ANO3: variants seen among roughly 807,000 people sequenced by gnomAD.
ANO3 encodes anoctamin-3.
Under a neutral mutation model 144.8 loss-of-function variants are expected in ANO3, and 99 were observed. The observed-to-expected ratio is 0.68, with a 90% CI of 0.58 to 0.81. The LOEUF is 0.81. Among genes scored for constraint, ANO3 ranks in the 30% least tolerant of loss-of-function variants. The pLI, the probability that ANO3 is intolerant of heterozygous loss-of-function variation, is 0.00. For synonymous variants in ANO3, 414 were observed against 392.6 expected, an observed-to-expected ratio of 1.05 and a Z score of -0.64; for missense variants, 905 against 1,202.2, an observed-to-expected ratio of 0.75 and a Z score of 3.66.
At chr11:26,295,492 G>C (rs1365088069) in intron 1 of ANO3, among the ~76,000 whole-genome samples, 19 of 141,666 alleles carry the variant, frequency 1.3e-4, no homozygotes, top group Middle Eastern at 7.5e-3. Context: ...GCCCAGCCTG[G>C]GCGATAGAGT....
At chr11:26,332,037 C>A (rs138455493), upstream of ANO3, 8,613 of 1,269,714 alleles carry the variant, frequency 6.8e-3, 46 homozygotes, top group Non-Finnish European at 7.3e-3. Flanking sequence ...GCGGGGGATG[C>A]GGGGTTGTTC....
chr11:26,341,269 G>A (rs541216332), intron 1 of ANO3, among the ~76,000 whole-genome samples: 19 of 152,044 alleles, frequency 1.2e-4, no homozygotes, highest in Non-Finnish European at 2.5e-4. Flanking sequence ...TATATATAGC[G>A]AAAATGTGTA....
At chr11:26,450,572 T>C (rs1858893452) in intron 3 of ANO3, among the ~76,000 whole-genome samples, 1 of 152,200 alleles carries the variant, frequency 6.6e-6, no homozygotes, top group Non-Finnish European at 1.5e-5. Flanking sequence ...ATGATATTTA[T>C]TGGTGGTCAA....
chr11:26,477,724 A>G (rs539390345), intron 4 of ANO3, among the ~76,000 whole-genome samples: 1 of 152,314 alleles, frequency 6.6e-6, no homozygotes, highest in South Asian at 2.1e-4. Flanking sequence ...GAAAGAGAAT[A>G]TTAGGGAAAC....
chr11:26,488,182 T>C (rs1312619527), intron 4 of ANO3, among the ~76,000 whole-genome samples: 2 of 151,726 alleles, frequency 1.3e-5, no homozygotes, highest in Admixed American at 1.3e-4. Context: ...CAAAACAAAA[T>C]AAAACAAAAC....
chr11:26,567,223 G>A, intron 14 of ANO3: 3 of 852,374 alleles, frequency 3.5e-6, no homozygotes, highest in Non-Finnish European at 3.2e-6. Context: ...TGCTTTTAAT[G>A]GAAAATTTAC....
chr11:26,423,898 G>C (rs1466009624), intron 1 of ANO3, among the ~76,000 whole-genome samples: 1 of 151,970 alleles, frequency 6.6e-6, no homozygotes, highest in East Asian at 1.9e-4. Flanking sequence ...CCAGTTGCTA[G>C]ATTTGTGACT....
chr11:26,280,014 TAATGA>T (rs1853643339), intron 1 of ANO3, among the ~76,000 whole-genome samples: 5 of 152,208 alleles, frequency 3.3e-5, no homozygotes, highest in Admixed American at 6.5e-5. Context: ...CTCACTGCTT[TAATGA>T]AAAAGAGTTT....
intron 12 of ANO3, 29 bp downstream of exon 12, chr11:26,547,579 A>G: frequency 6.2e-7 from 1 of 1,604,744 alleles, no homozygotes; most frequent in Non-Finnish European, 8.5e-7. Context: ...TATTAAAAAT[A>G]TTTGGCTTGT....
intron 1 of ANO3, among the ~76,000 whole-genome samples, chr11:26,384,422 C>T (rs118022872): frequency 3.8e-4 from 58 of 152,146 alleles, no homozygotes; most frequent in Non-Finnish European, 6.0e-4. Flanking sequence ...CTATTAGCTC[C>T]GAGATGAGCT....
chr11:26,401,561 G>A (rs1857147979), intron 1 of ANO3, among the ~76,000 whole-genome samples: 2 of 152,014 alleles, frequency 1.3e-5, no homozygotes, highest in African/African-American at 4.8e-5. Context: ...AAACATATAG[G>A]TGTGGCTGCC....
At chr11:26,263,292 T>C (rs1231036840) in intron 1 of ANO3, among the ~76,000 whole-genome samples, 2 of 152,232 alleles carry the variant, frequency 1.3e-5, no homozygotes, top group African/African-American at 4.8e-5. Flanking sequence ...CTGCAGGAAC[T>C]AGTCGAAGAC....
intron 4 of ANO3, among the ~76,000 whole-genome samples, chr11:26,506,456 T>C (rs1488615736): frequency 6.6e-6 from 1 of 152,224 alleles, no homozygotes; most frequent in Non-Finnish European, 1.5e-5. Context: ...CAATGCATAG[T>C]ACATAGTAAG....
At position 26,531,077 on chromosome 11, in the gene ANO3, G is replaced by C. The variant is rs554176730; in HGVS notation, c.738-128G>C. The C allele has an allele frequency of 6.3e-6, 6 of 953,610 alleles. No homozygotes were observed. In the African/African-American group the frequency reaches 1.0e-4, roughly 16 times the overall value. The allele number at this position is 953,610 out of a possible 1,614,324, so 59.1% of individuals were successfully genotyped here. A position where few individuals can be genotyped will look rare whatever the true frequency, so the allele number is the denominator to read the frequency against. On this transcript the variant is annotated intron_variant, in intron 7 of 26. Transcript: ENST00000256737. ...GAACAGAAGCAATGCACGTGTATGT[G>C]TGGTGTGTGTAGGTTTGTGTATCTC... is the stretch of plus-strand genomic sequence containing the variant.
intron 1 of ANO3, among the ~76,000 whole-genome samples, chr11:26,315,308 C>T (rs1035423725): frequency 1.3e-5 from 2 of 152,168 alleles, no homozygotes; most frequent in African/African-American, 4.8e-5. Context: ...CAATTCTCCT[C>T]AGTTTTTCTA....
chr11:26,502,848 G>GA (rs1861254364), intron 4 of ANO3, among the ~76,000 whole-genome samples: 11 of 23,602 alleles, frequency 4.7e-4, no homozygotes, highest in South Asian at 4.3e-3. Context: ...AAACATTCAG[G>GA]GAAAAAAAAA....
At chr11:26,276,664 T>C (rs183018759) in intron 1 of ANO3, among the ~76,000 whole-genome samples, 15 of 152,286 alleles carry the variant, frequency 9.8e-5, no homozygotes, top group Non-Finnish European at 1.6e-4. Flanking sequence ...TACACTAGGT[T>C]AGACCACGCT....
At position 26,401,204 on chromosome 11, in the gene ANO3, T is replaced by A. The variant is rs1235182590; in HGVS notation, c.47-40714T>A. ...CAGGAATAGTTTGGATTCTCAGTCA[T>A]GGAAGTGGAGTGAGTTGGGAGATCA... On this transcript the variant is annotated intron_variant, in intron 1 of 26. Transcript: ENST00000256737. Among the ~76,000 whole-genome samples the A allele has an allele frequency of 2.0e-5, 3 of 152,050 alleles. No homozygotes were observed. In the East Asian group the frequency reaches 5.8e-4, roughly 29 times the overall value.
chr11:26,292,076 G>A (rs1259813211), intron 1 of ANO3, among the ~76,000 whole-genome samples: 1 of 151,866 alleles, frequency 6.6e-6, no homozygotes, highest in South Asian at 2.1e-4. Flanking sequence ...CTTTTCACAT[G>A]GTCCCATATT....
Sources: allele counts gnomAD v4.1 joint callset (sites outside exome capture counted in the v4.1 genomes callset), GRCh38; gene constraint gnomAD v4.1.1; transcripts MANE v1.5; gene names NCBI Gene and HGNC (gene_info 2026-07-23, HGNC 2026-07-21).